The following DLG2 variants were observed in gnomAD, a reference collection of about 807,000 sequenced individuals.
The protein encoded by DLG2 is discs large MAGUK scaffold protein 2.
DLG2 carries 45 observed loss-of-function variants against 132.5 expected under a neutral mutation model. That is an observed-to-expected ratio of 0.34 (90% CI 0.27 to 0.44). The LOEUF is 0.44. Ranked by LOEUF, DLG2 falls within the 20% of genes least tolerant of loss-of-function variation. The pLI is 1.00. For synonymous variants in DLG2, 424 were observed against 419.6 expected, an observed-to-expected ratio of 1.01 and a Z score of -0.13; for missense variants, 1,045 against 1,196.9, an observed-to-expected ratio of 0.87 and a Z score of 1.87.
At chr11:85,060,055 C>T (rs565837947) in intron 6 of DLG2, among the ~76,000 whole-genome samples, 24 of 151,478 alleles carry the variant, frequency 1.6e-4, no homozygotes, top group East Asian at 3.9e-4. Context: ...ACTTTTTCAC[C>T]TTGCATGACA....
chr11:83,780,088 TGGG>T, intron 18 of DLG2, among the ~76,000 whole-genome samples: 1 of 152,326 alleles, frequency 6.6e-6, no homozygotes, highest in East Asian at 1.9e-4. Context: ...TTACGTGAGT[TGGG>T]AAAATGTTTC....
At chr11:85,461,099 T>C (rs1333856539) in intron 3 of DLG2, among the ~76,000 whole-genome samples, 1 of 152,226 alleles carries the variant, frequency 6.6e-6, no homozygotes. Context: ...GCAATCATTT[T>C]AACTGGACTT....
chr11:85,194,190 T>G (rs1032970696), intron 4 of DLG2, among the ~76,000 whole-genome samples: 7 of 152,234 alleles, frequency 4.6e-5, no homozygotes, highest in Non-Finnish European at 8.8e-5. Flanking sequence ...CTGTGAAGAC[T>G]GCAAGACTCT....
At chr11:85,300,726 T>C (rs1234193453) in intron 3 of DLG2, among the ~76,000 whole-genome samples, 1 of 152,208 alleles carries the variant, frequency 6.6e-6, no homozygotes, top group East Asian at 1.9e-4. Flanking sequence ...TAGGGTATAA[T>C]GAGAATACAT....
Position 84,775,226 on chromosome 11 carries a change from T to C in DLG2, c.358-240495A>G, listed in dbSNP as rs1597819647. ...AATGCACATCAAAACCACAATGAGATACCATCTCATACCCATCAGAATGGC... is the reference window on the plus strand; with the variant it reads ...AATGCACATCAAAACCACAATGAGACACCATCTCATACCCATCAGAATGGC... On this transcript the variant is annotated intron_variant, in intron 6 of 27. Coordinates refer to ENST00000376104, the MANE Select transcript of DLG2 (RefSeq NM_001142699.3). Among the ~76,000 whole-genome samples the C allele has an allele frequency of 1.3e-5, 2 of 152,122 alleles. 1 individual carries two copies. The highest frequency in any genetic ancestry group is 4.8e-5 in the African/African-American group (2 of 41,436).
chr11:83,668,479 G>T (rs1445874170), intron 18 of DLG2, among the ~76,000 whole-genome samples: 2 of 152,048 alleles, frequency 1.3e-5, no homozygotes, highest in Admixed American at 6.6e-5. Flanking sequence ...GACATTCAGA[G>T]AAGTTTTTCT....
chr11:85,233,377 T>C (rs2075402018), intron 4 of DLG2, among the ~76,000 whole-genome samples: 1 of 151,972 alleles, frequency 6.6e-6, no homozygotes. Context: ...TAATGTTATA[T>C]TACCTGTGGT....
intron 6 of DLG2, among the ~76,000 whole-genome samples, chr11:84,952,473 C>T (rs1017056184): frequency 3.7e-4 from 56 of 151,926 alleles, no homozygotes; most frequent in African/African-American, 1.3e-3. Context: ...GCGGAGATCG[C>T]GCCACAGCAC....
chr11:85,128,891 A>G (rs1017552042), intron 5 of DLG2, among the ~76,000 whole-genome samples: 3 of 152,182 alleles, frequency 2.0e-5, no homozygotes, highest in Non-Finnish European at 2.9e-5. Flanking sequence ...ATTATACTAT[A>G]TACACATTTT....
At chr11:83,566,047 G>T (rs1313906065) in intron 19 of DLG2, among the ~76,000 whole-genome samples, 4 of 152,168 alleles carry the variant, frequency 2.6e-5, no homozygotes, top group Non-Finnish European at 4.4e-5. Flanking sequence ...GCAGTGGGTT[G>T]CACCCACTAA....
In DLG2 at chr11:83,914,552, A is replaced by C. The variant is rs147330014; in HGVS notation, c.1496+15776T>G. On this transcript the variant is annotated intron_variant, in intron 15 of 27. Coordinates refer to ENST00000376104, the MANE Select transcript of DLG2 (RefSeq NM_001142699.3). ...GAAGTACTTAGCTTACCATGGGCCAAATGCTTTTCATGTATAAACTCATTA... is the reference window on the plus strand; with the variant it reads ...GAAGTACTTAGCTTACCATGGGCCACATGCTTTTCATGTATAAACTCATTA... Among the ~76,000 whole-genome samples the C allele has an allele frequency of 4.2e-3, 641 of 152,276 alleles. 5 individuals carry two copies. The highest frequency in any genetic ancestry group is 0.015 in the African/African-American group (612 of 41,564).
Position 85,154,659 on chromosome 11 carries a change from A to T in DLG2, c.187-8T>A, listed in dbSNP as rs148542098. ...TCCACTGCAATCTGTAAGCTAAAAT[A>T]AAAGTTTAAAAAATCAATACTCCTT... On this transcript the variant is annotated splice_region_variant and splice_polypyrimidine_tract_variant and intron_variant, in intron 4 of 27. Transcript: ENST00000376104. 7.4e-7 allele frequency: 1 copy of T among 1,350,696 alleles called. No homozygotes were observed. The highest frequency in any genetic ancestry group is 1.5e-5 in the African/African-American group (1 of 68,350). The allele number at this position is 1,350,696 out of a possible 1,614,324, so 83.7% of individuals were successfully genotyped here.
At chr11:84,946,323 T>C (rs2050193794) in intron 6 of DLG2, among the ~76,000 whole-genome samples, 1 of 151,984 alleles carries the variant, frequency 6.6e-6, no homozygotes, top group South Asian at 2.1e-4. Context: ...ATGCTCTGGG[T>C]CACACCTGAA....
chr11:83,777,707 A>C (rs1179244805), intron 18 of DLG2, among the ~76,000 whole-genome samples: 2 of 152,196 alleles, frequency 1.3e-5, no homozygotes, highest in Non-Finnish European at 2.9e-5. Context: ...CCCATGGTAC[A>C]CAGAGACAGC....
intron 7 of DLG2, among the ~76,000 whole-genome samples, chr11:84,301,355 C>A (rs1037120124): frequency 1.3e-5 from 2 of 151,950 alleles, no homozygotes; most frequent in Non-Finnish European, 2.9e-5. Flanking sequence ...GATAGAATGG[C>A]GATCATTAAA....
At chr11:84,672,020 C>T (rs540161465) in intron 6 of DLG2, among the ~76,000 whole-genome samples, 1 of 152,250 alleles carries the variant, frequency 6.6e-6, no homozygotes, top group African/African-American at 2.4e-5. Context: ...TATCCAGAAC[C>T]TCATTTGAAC....
chr11:84,355,002 T>G (rs933060865), intron 7 of DLG2, among the ~76,000 whole-genome samples: 3 of 152,048 alleles, frequency 2.0e-5, no homozygotes, highest in African/African-American at 7.2e-5. Context: ...AAGCATGACT[T>G]CTCTCCTGAA....
At chr11:83,536,021 CA>C in intron 20 of DLG2, among the ~76,000 whole-genome samples, 1 of 152,288 alleles carries the variant, frequency 6.6e-6, no homozygotes, top group Non-Finnish European at 1.5e-5. Flanking sequence ...AGGTACCTCC[CA>C]AGCCTGCATT....
intron 7 of DLG2, among the ~76,000 whole-genome samples, chr11:84,290,718 G>C (rs2097981430): frequency 6.6e-6 from 1 of 152,074 alleles, no homozygotes; most frequent in Non-Finnish European, 1.5e-5. Flanking sequence ...CTTAAAGCTT[G>C]CTATTTGTAG....
Sources: allele counts gnomAD v4.1 joint callset (sites outside exome capture counted in the v4.1 genomes callset), GRCh38; gene constraint gnomAD v4.1.1; transcripts MANE v1.5; gene names NCBI Gene and HGNC (gene_info 2026-07-23, HGNC 2026-07-21).